The following CATSPERB variants were observed in gnomAD, a reference collection of about 807,000 sequenced individuals.
CATSPERB encodes cation channel sperm-associated auxiliary subunit beta.
CATSPERB carries 93 observed loss-of-function variants against 128.3 expected under a neutral mutation model. The ratio of observed to expected loss-of-function variants is 0.72; its 90% confidence interval spans 0.61 to 0.86. The LOEUF (loss-of-function observed/expected upper bound fraction) is 0.86, where lower values mean the gene tolerates loss of function less well. CATSPERB is among the 40% of genes least tolerant of loss of function. CATSPERB has a pLI of 0.00. For synonymous variants in CATSPERB, 381 were observed against 448.8 expected (o/e 0.85, Z 1.91); for missense variants, 1,153 against 1,329.5 (o/e 0.87, Z 2.06).
At chr14:91,654,352 T>C (rs1894754013) in intron 15 of CATSPERB, among the ~76,000 whole-genome samples, 1 of 152,148 alleles carries the variant, frequency 6.6e-6, no homozygotes, top group African/African-American at 2.4e-5. Context: ...TTTCTAAACC[T>C]GCCCTGGGCC....
intron 11 of CATSPERB, among the ~76,000 whole-genome samples, chr14:91,677,485 A>G (rs1207694281): frequency 6.6e-6 from 1 of 152,260 alleles, no homozygotes. Flanking sequence ...CATTAAAGAA[A>G]TGCAAATCAA....
chr14:91,637,737 G>A (rs78427273), intron 16 of CATSPERB, among the ~76,000 whole-genome samples: 9 of 152,266 alleles, frequency 5.9e-5, no homozygotes, highest in Admixed American at 1.3e-4. Context: ...GGAGAGGGAA[G>A]TGATATTGCT....
At chr14:91,625,101 C>G (rs929427101) in intron 17 of CATSPERB, 94 bp from the exon 18 acceptor site, 5 of 695,054 alleles carry the variant, frequency 7.2e-6, no homozygotes, top group Non-Finnish European at 1.1e-5. Flanking sequence ...AAGTATACCA[C>G]AAATAACTAA....
chr14:91,619,607 T>C (rs1894005936), intron 19 of CATSPERB, among the ~76,000 whole-genome samples: 1 of 151,834 alleles, frequency 6.6e-6, no homozygotes. Flanking sequence ...CTTCTTTTAC[T>C]CTGAGAGTTT....
intron 15 of CATSPERB, among the ~76,000 whole-genome samples, chr14:91,644,063 G>A (rs1894546321): frequency 1.5e-5 from 2 of 137,210 alleles, no homozygotes; most frequent in South Asian, 2.6e-4. Flanking sequence ...CATTTGCTTG[G>A]TAGATCTTCC....
At chr14:91,635,523 A>AT (rs113638236) in intron 17 of CATSPERB, 3 of 151,572 alleles carry the variant, frequency 2.0e-5, no homozygotes, top group East Asian at 1.9e-4. Flanking sequence ...CACCTGGCTA[A>AT]TTTTTTTTAT....
intron 11 of CATSPERB, among the ~76,000 whole-genome samples, chr14:91,677,533 G>T (rs1272311238): frequency 6.6e-6 from 1 of 152,160 alleles, no homozygotes; most frequent in Non-Finnish European, 1.5e-5. Flanking sequence ...TGTCAGAATG[G>T]TGATTATTAA....
At chr14:91,713,512 T>G (rs1296365260) in intron 5 of CATSPERB, among the ~76,000 whole-genome samples, 1 of 152,156 alleles carries the variant, frequency 6.6e-6, no homozygotes. Flanking sequence ...ACTATAGATA[T>G]TCTAAGGATA....
At chr14:91,686,595 A>G (rs1357947080) in intron 10 of CATSPERB, among the ~76,000 whole-genome samples, 2 of 152,216 alleles carry the variant, frequency 1.3e-5, no homozygotes, top group African/African-American at 2.4e-5. Flanking sequence ...CCTCTCCCTC[A>G]TCACTATCAA....
chr14:91,656,330 G>C lies in CATSPERB; in HGVS notation c.1432+3507C>G, dbSNP rs571517436. Among the ~76,000 whole-genome samples the C allele has an allele frequency of 3.3e-5, 5 of 152,164 alleles. No homozygotes were observed. The East Asian group carries it at 7.7e-4, about 24-fold the overall frequency. On this transcript the variant is annotated intron_variant, in intron 15 of 26. Coordinates refer to ENST00000256343, the MANE Select transcript of CATSPERB (RefSeq NM_024764.4). ...ATGGTATGTAAACTACTCATATGTTGAGTAGAAAAACTAAAAGATAAACTG... is the reference window on the plus strand; with the variant it reads ...ATGGTATGTAAACTACTCATATGTTCAGTAGAAAAACTAAAAGATAAACTG...
chr14:91,657,048 C>T (rs1021577709), intron 15 of CATSPERB, among the ~76,000 whole-genome samples: 2 of 151,974 alleles, frequency 1.3e-5, no homozygotes, highest in Admixed American at 6.6e-5. Flanking sequence ...GAGATAGATC[C>T]CAATACAATA....
At chr14:91,628,829 A>G (rs1280320244) in intron 17 of CATSPERB, among the ~76,000 whole-genome samples, 3 of 152,368 alleles carry the variant, frequency 2.0e-5, no homozygotes, top group Middle Eastern at 3.4e-3. Context: ...AGATACCACC[A>G]CATGACTATT....
chr14:91,656,915 G>T (rs1894798288), intron 15 of CATSPERB, among the ~76,000 whole-genome samples: 1 of 152,048 alleles, frequency 6.6e-6, no homozygotes, highest in Non-Finnish European at 1.5e-5. Context: ...AAGAGACAAA[G>T]AGGGTCATTA....
chr14:91,686,307 C>T (rs10146239), intron 10 of CATSPERB, among the ~76,000 whole-genome samples: 2,235 of 152,234 alleles, frequency 0.015, 55 homozygotes, highest in African/African-American at 0.049. Flanking sequence ...ACTATGGAAT[C>T]ATTCTTGTCT....
At chr14:91,614,527 G>A (rs1893898649) in intron 20 of CATSPERB, among the ~76,000 whole-genome samples, 1 of 152,082 alleles carries the variant, frequency 6.6e-6, no homozygotes, top group Admixed American at 6.6e-5. Context: ...GCCAGGAATG[G>A]TGGGCCTTTA....
intron 22 of CATSPERB, chr14:91,604,803 T>A (rs1235779829): frequency 6.2e-7 from 1 of 1,604,528 alleles, no homozygotes; most frequent in East Asian, 2.2e-5. Flanking sequence ...CTGGGGTAGG[T>A]AGGTGCTGAG....
At chr14:91,696,198 G>A (rs116776908) in intron 7 of CATSPERB, among the ~76,000 whole-genome samples, 2,116 of 152,308 alleles carry the variant, frequency 0.014, 51 homozygotes, top group African/African-American at 0.048. Context: ...TAAGTCTTCT[G>A]GAGGGAGAAT....
Position 91,702,517 on chromosome 14 carries a change from G to A in CATSPERB, c.616+2035C>T, listed in dbSNP as rs1375922400. Among the ~76,000 whole-genome samples the A allele has an allele frequency of 2.6e-5, 4 of 151,684 alleles. No homozygotes were observed. The East Asian group carries it at 7.8e-4, about 29-fold the overall frequency. ...GTCTATCCCTATACTGATGCATACT[G>A]TTTTAATCTATTGCTTTATAATAAG... On this transcript the variant is annotated intron_variant, in intron 7 of 26. Coordinates refer to ENST00000256343, the MANE Select transcript of CATSPERB (RefSeq NM_024764.4).
At chr14:91,708,337 T>C (rs1273247861) in intron 5 of CATSPERB, 101 bp from the exon 6 acceptor site, 3 of 693,444 alleles carry the variant, frequency 4.3e-6, no homozygotes, top group Non-Finnish European at 4.9e-6. Flanking sequence ...TAGCCTTTCC[T>C]TTTCCAACCA....
Sources: gnomAD v4.1 joint callset for allele counts (sites outside exome capture counted in the v4.1 genomes callset) on GRCh38, gnomAD v4.1.1 for gene constraint, MANE v1.5 for transcripts, NCBI Gene and HGNC (gene_info 2026-07-23, HGNC 2026-07-21) for gene names.